The following PALB2 variants were observed in gnomAD, a reference collection of about 807,000 sequenced individuals.
PALB2 encodes partner and localizer of BRCA2, also known as mutant partner and localizer of BRCA2.
PALB2 carries 82 observed loss-of-function variants against 107.4 expected under a neutral mutation model. That is an observed-to-expected ratio of 0.76 (90% CI 0.64 to 0.92). PALB2 has a LOEUF of 0.92. PALB2 is among the 40% of genes least tolerant of loss of function. PALB2 has a pLI of 0.00. For synonymous variants in PALB2, 489 were observed against 496.8 expected, an observed-to-expected ratio of 0.98 and a Z score of 0.21; for missense variants, 1,374 against 1,379.9, an observed-to-expected ratio of 1.00 and a Z score of 0.07.
At chr16:23,614,232 AT>A in intron 10 of PALB2, 141 bp from the exon 11 acceptor site, 1 of 653,866 alleles carries the variant, frequency 1.5e-6, no homozygotes, top group Non-Finnish European at 2.7e-6. Flanking sequence ...TTAGTCATAG[AT>A]TTAGGTAAAA....
At chr16:23,622,824 G>T in intron 9 of PALB2, 145 bp downstream of exon 9, 2 of 903,118 alleles carry the variant, frequency 2.2e-6, no homozygotes, top group Non-Finnish European at 3.5e-6. Flanking sequence ...CTGCTTCTAT[G>T]TCATAACCTA....
chr16:23,606,523 G>A (rs1966477604), intron 12 of PALB2, among the ~76,000 whole-genome samples: 1 of 152,074 alleles, frequency 6.6e-6, no homozygotes, highest in African/African-American at 2.4e-5. Context: ...CATTATCCTT[G>A]TGAGTTATTA....
rs1966509780 is a variant in PALB2 at position 23,607,949 on chromosome 16, C to T, written c.3265G>A (p.Val1089Met). ...AKESESLRSP[V>M]FQLIVINPKT... ...GGGTTAATCACAATGAGCTGAAACA[C>T]AGGGCTTCGCAACGACTCACTCTCT... is the stretch of plus-strand genomic sequence containing the variant. The change falls in exon 12 of 13, where the codon GTG (valine) becomes ATG (methionine). Residue 1089 changes from valine to methionine, a missense_variant. Coordinates refer to ENST00000261584, the MANE Select transcript of PALB2 (RefSeq NM_024675.4). 1 of 1,614,116 alleles carries T rather than the reference C, an allele frequency of 6.2e-7. No homozygotes were observed. The highest frequency in any genetic ancestry group is 8.5e-7 in the Non-Finnish European group (1 of 1,180,000).
Position 23,603,689 on chromosome 16 carries a change from A to ATATAAT in PALB2, c.3351-26_3351-21dup. The ATATAAT allele has an allele frequency of 1.2e-6, 2 of 1,603,850 alleles. No homozygotes were observed. The highest frequency in any genetic ancestry group is 1.7e-6 in the Non-Finnish European group (2 of 1,171,146). On this transcript the variant is annotated intron_variant, in intron 12 of 12. Transcript: ENST00000261584. ...AGGAACCTGATAGCATACAAAGAAGATATAATTCAGATTACATATCCAAAA... is the reference window on the plus strand; with the variant it reads ...AGGAACCTGATAGCATACAAAGAAGATATAATTATAATTCAGATTACATATCCAAAA...
chr16:23,617,729 CTG>C (rs1365456817), intron 10 of PALB2: 2 of 151,738 alleles, frequency 1.3e-5, no homozygotes, highest in Non-Finnish European at 2.9e-5. Flanking sequence ...GGGCAACAGA[CTG>C]AGACCCTCTC....
chr16:23,637,115 G>C (rs1967081863), intron 3 of PALB2, among the ~76,000 whole-genome samples: 1 of 152,064 alleles, frequency 6.6e-6, no homozygotes, highest in Non-Finnish European at 1.5e-5. Flanking sequence ...GGGCGTGGCG[G>C]TGTGCGCCTG....
chr16:23,636,015 C>T lies in PALB2; in HGVS notation c.531G>A (p.Lys177=), dbSNP rs779739454. 1.9e-6 allele frequency: 3 copies of T among 1,613,966 alleles called. No individual in the cohort carries two copies. Among genetic ancestry groups the T allele is most frequent in the African/African-American group, 1.3e-5 (1 of 74,902 alleles). The change falls in exon 4 of 13, where the codon AAG becomes AAA. Residue 177 remains lysine, a synonymous_variant. Coordinates refer to ENST00000261584, the MANE Select transcript of PALB2 (RefSeq NM_024675.4). ...TTTTGCTACTGATTTCTTCCTGTTC[C>T]TTTAGTCTTTTCCCAGACAATCTGA... ...DSLRLSGKRL[K]EQEEISSKNP...
chr16:23,614,932 G>C (rs956239882), intron 10 of PALB2, among the ~76,000 whole-genome samples: 1 of 148,288 alleles, frequency 6.7e-6, no homozygotes, highest in Non-Finnish European at 1.5e-5. Flanking sequence ...TTACAGGCGT[G>C]AGCCACCGCG....
At chr16:23,606,640 C>G (rs1966480547) in intron 12 of PALB2, among the ~76,000 whole-genome samples, 1 of 151,918 alleles carries the variant, frequency 6.6e-6, no homozygotes, top group Non-Finnish European at 1.5e-5. Context: ...ATTATCCTGC[C>G]TCAGCCTCCT....
In PALB2 at chr16:23,621,373, G is replaced by A. The variant is rs1282500498; in HGVS notation, c.3102C>T (p.Asn1034=). The A allele has an allele frequency of 1.2e-6, 2 of 1,609,150 alleles. No individual in the cohort carries two copies. The highest frequency in any genetic ancestry group is 2.2e-5 in the East Asian group (1 of 44,842). The part of the protein sequence containing the change: ...EALLGTTIMN[N]IVIWNLKTGQ... ...GAGGGAAAGCTTACCAAATAACAATGTTGTTCATAATAGTAGTACCAAGCA... is the reference window on the plus strand; with the variant it reads ...GAGGGAAAGCTTACCAAATAACAATATTGTTCATAATAGTAGTACCAAGCA... Residue 1034 remains asparagine, a synonymous_variant, in exon 10 of 13, where the codon AAC becomes AAT. Coordinates refer to ENST00000261584, the MANE Select transcript of PALB2 (RefSeq NM_024675.4).
chr16:23,629,835 A>G lies in PALB2; in HGVS notation c.2319T>C (p.Thr773=), dbSNP rs562168734. 16 of 1,614,214 alleles carry G rather than the reference A, an allele frequency of 9.9e-6. No homozygotes were observed. The South Asian group carries it at 1.5e-4, about 16-fold the overall frequency. ...GGCTGCCTGAACTGTCGAATTGTTTAGTATCACTGGCAAGACAGACTGAGT... is the reference window on the plus strand; with the variant it reads ...GGCTGCCTGAACTGTCGAATTGTTTGGTATCACTGGCAAGACAGACTGAGT... The part of the protein sequence containing the change: ...LKDSVCLASD[T]KQFDSSGSPA... Residue 773 remains threonine (T), a synonymous_variant, in exon 5 of 13, where the codon ACT becomes ACC. Transcript: ENST00000261584.
Position 23,608,170 on chromosome 16 carries a change from G to T in PALB2, c.3202-158C>A, listed in dbSNP as rs796402267. ...CACTGGCTTGATTTTTTTCCCTGCC[G>T]TCTAGGAACTGTTGAGATTATTACT... is the stretch of plus-strand genomic sequence containing the variant. On this transcript the variant is annotated intron_variant, in intron 11 of 12. Transcript: ENST00000261584. Among the ~76,000 whole-genome samples the T allele has an allele frequency of 2.0e-5, 3 of 152,058 alleles. No individual in the cohort carries two copies. In the East Asian group the frequency reaches 5.8e-4, roughly 29 times the overall value.
In PALB2 at chr16:23,624,010, T is replaced by G. The variant is rs1330055409; in HGVS notation, c.2833A>C (p.Arg945=). 1 of 1,574,994 alleles carries G rather than the reference T, an allele frequency of 6.3e-7. No individual in the cohort carries two copies. The highest frequency in any genetic ancestry group is 8.7e-7 in the Non-Finnish European group (1 of 1,144,684). The change falls in exon 8 of 13, where the codon AGG becomes CGG. Residue 945 remains arginine (R), a splice_region_variant and synonymous_variant. Coordinates refer to ENST00000261584, the MANE Select transcript of PALB2 (RefSeq NM_024675.4). ...ALGNLEIREI[R]ALFCSSDDES... ...AATCACTCCTTGGGAATTACATACCTGATCTCTCTGATTTCCAAATTTCCC... is the reference window on the plus strand; with the variant it reads ...AATCACTCCTTGGGAATTACATACCGGATCTCTCTGATTTCCAAATTTCCC...
At position 23,638,084 on chromosome 16, in the gene PALB2, G is replaced by A. The variant is rs151316635; in HGVS notation, c.94C>T (p.Leu32=). The change falls in exon 2 of 13, where the codon CTA becomes TTA. Residue 32 remains leucine, a synonymous_variant. Coordinates refer to ENST00000261584, the MANE Select transcript of PALB2 (RefSeq NM_024675.4). ...AFLKREYSKT[L]ARLQRAQRAE... ...GATTCACTTACCTGAAGGCGGGCTA[G>A]TGTCTTGCTGTATTCCCTTTTCAAG... is the stretch of plus-strand genomic sequence containing the variant. 1 of 1,614,010 alleles carries A rather than the reference G, an allele frequency of 6.2e-7. No homozygotes were observed. The highest frequency in any genetic ancestry group is 8.5e-7 in the Non-Finnish European group (1 of 1,179,878).
chr16:23,631,230 A>G (rs868519646), intron 4 of PALB2, among the ~76,000 whole-genome samples: 3 of 136,440 alleles, frequency 2.2e-5, no homozygotes, highest in African/African-American at 8.1e-5. Flanking sequence ...CAGTTAGCGG[A>G]GATGGCACCA....
In PALB2 at chr16:23,624,065, AGGCACT is replaced by A; in HGVS notation, c.2772_2777del (p.Val925_Pro926del). On this transcript the variant is annotated inframe_deletion, in exon 8 of 13. Coordinates refer to ENST00000261584, the MANE Select transcript of PALB2 (RefSeq NM_024675.4). ...CTACACACACGAGATTATACACATC[AGGCACT>A]GGAACTATCTGTAATACTGGAACCT... is the stretch of plus-strand genomic sequence containing the variant. 1 of 1,608,008 alleles carries A rather than the reference AGGCACT, an allele frequency of 6.2e-7. No individual in the cohort carries two copies.
intron 10 of PALB2, among the ~76,000 whole-genome samples, 175 bp downstream of exon 10, chr16:23,621,187 G>A (rs927625246): frequency 9.2e-5 from 14 of 152,320 alleles, no homozygotes; most frequent in Admixed American, 3.9e-4. Context: ...TCCCACCTGG[G>A]TGATAGGAGG....
chr16:23,618,303 C>T (rs537890263), intron 10 of PALB2, among the ~76,000 whole-genome samples: 1 of 151,986 alleles, frequency 6.6e-6, no homozygotes, highest in African/African-American at 2.4e-5. Context: ...CTGAGTGAGA[C>T]TCTGTTTCAG....
intron 11 of PALB2, among the ~76,000 whole-genome samples, chr16:23,610,975 G>A (rs559739961): frequency 3.5e-4 from 53 of 152,026 alleles, no homozygotes; most frequent in Admixed American, 7.2e-4. Flanking sequence ...GCAGGCGGAG[G>A]TTGCAGTGAG....
Sources: gnomAD v4.1 joint callset for allele counts (sites outside exome capture counted in the v4.1 genomes callset) on GRCh38, gnomAD v4.1.1 for gene constraint, MANE v1.5 for transcripts, NCBI Gene and HGNC (gene_info 2026-07-23, HGNC 2026-07-21) for gene names.